Variants in NCOA3 observed in about 807,000 individuals in gnomAD.
NCOA3 encodes the protein nuclear receptor coactivator 3, also known as CBP-interacting protein.
In NCOA3, 51 loss-of-function variants were observed where a neutral mutation model predicts 158.8. The observed-to-expected ratio is 0.32, with a 90% confidence interval of 0.26 to 0.41. NCOA3 has a LOEUF of 0.41. Ranked by LOEUF, NCOA3 falls within the 10% of genes least tolerant of loss-of-function variation. NCOA3 has a pLI of 1.00. For synonymous variants in NCOA3, 537 were observed against 592.4 expected (o/e 0.91, Z 1.36); for missense variants, 1,510 against 1,746.6 (o/e 0.86, Z 2.41).
At chr20:47,617,457 T>C (rs776698060) in intron 2 of NCOA3, among the ~76,000 whole-genome samples, 28 of 152,234 alleles carry the variant, frequency 1.8e-4, no homozygotes, top group Non-Finnish European at 2.8e-4. Context: ...ACCTGCCTTA[T>C]TCCCCTCTCT....
At chr20:47,548,585 C>T (rs374566027) in intron 1 of NCOA3, among the ~76,000 whole-genome samples, 1 of 151,908 alleles carries the variant, frequency 6.6e-6, no homozygotes. Context: ...AAAAAAAAAT[C>T]TTTTTTACTG....
At chr20:47,527,818 T>C (rs190196209) in intron 1 of NCOA3, among the ~76,000 whole-genome samples, 6 of 152,208 alleles carry the variant, frequency 3.9e-5, no homozygotes, top group African/African-American at 1.4e-4. Context: ...CTGGTAGATA[T>C]GTAGTGGTAT....
rs183756347 is a variant in NCOA3 at position 47,643,525 on chromosome 20, A to G, written c.3252+1141A>G. Among the ~76,000 whole-genome samples, 590 of 152,262 alleles carry G rather than the reference A, an allele frequency of 3.9e-3. 1 individual carries two copies. Among genetic ancestry groups the G allele is most frequent in the Middle Eastern group, 0.01 (3 of 294 alleles). On this transcript the variant is annotated intron_variant, in intron 17 of 22. Transcript: ENST00000371998. ...TTCAGGCACACTAAATAACCCATCAATTCCTTCCTTCCCTCCTGTAGTTCT... is the reference window on the plus strand; with the variant it reads ...TTCAGGCACACTAAATAACCCATCAGTTCCTTCCTTCCCTCCTGTAGTTCT...
intron 1 of NCOA3, among the ~76,000 whole-genome samples, chr20:47,527,394 T>TG (rs2084473751): frequency 6.6e-6 from 1 of 152,220 alleles, no homozygotes; most frequent in South Asian, 2.1e-4. Context: ...TATATTTTGT[T>TG]GCTGTTGTTG....
intron 1 of NCOA3, among the ~76,000 whole-genome samples, chr20:47,560,640 TA>T (rs2085084869): frequency 6.6e-6 from 1 of 152,212 alleles, no homozygotes; most frequent in African/African-American, 2.4e-5. Context: ...AGTCCTGTAA[TA>T]ACAGATGATG....
intron 12 of NCOA3, among the ~76,000 whole-genome samples, chr20:47,637,299 T>C (rs1374592905): frequency 6.6e-6 from 1 of 152,236 alleles, no homozygotes; most frequent in Non-Finnish European, 1.5e-5. Context: ...TTATTATTAA[T>C]CACACTTATT....
chr20:47,599,023 T>C (rs559647013), intron 2 of NCOA3, among the ~76,000 whole-genome samples: 23 of 152,330 alleles, frequency 1.5e-4, no homozygotes, highest in Admixed American at 1.1e-3. Context: ...GCAGTATAGG[T>C]ATAGGTTTGT....
intron 2 of NCOA3, among the ~76,000 whole-genome samples, chr20:47,594,065 T>C (rs1346344716): frequency 6.6e-6 from 1 of 152,202 alleles, no homozygotes; most frequent in Non-Finnish European, 1.5e-5. Context: ...GTGAATTGTT[T>C]TTAGGTTTGT....
At chr20:47,513,839 G>GT (rs1297569814) in intron 1 of NCOA3, among the ~76,000 whole-genome samples, 3 of 151,928 alleles carry the variant, frequency 2.0e-5, no homozygotes, top group Admixed American at 6.6e-5. Context: ...TTGAGTGCCA[G>GT]TTACTTAGGT....
chr20:47,589,157 T>G (rs1325057934), intron 2 of NCOA3, among the ~76,000 whole-genome samples: 1 of 152,146 alleles, frequency 6.6e-6, no homozygotes, highest in African/African-American at 2.4e-5. Flanking sequence ...CTTCCCAAAG[T>G]GCTTGGGAGT....
At chr20:47,582,307 A>G (rs1206873) in intron 1 of NCOA3, among the ~76,000 whole-genome samples, 140,509 of 152,284 alleles carry the variant, frequency 0.92, 64,939 homozygotes, top group East Asian at 0.98. Flanking sequence ...CTGCTTCCCT[A>G]ATTCAGGTGA....
At chr20:47,510,325 C>A (rs1569310255) in intron 1 of NCOA3, among the ~76,000 whole-genome samples, 1 of 149,214 alleles carries the variant, frequency 6.7e-6, no homozygotes, top group Non-Finnish European at 1.5e-5. Flanking sequence ...CCCAGCTACT[C>A]AGGAGGCTGA....
In NCOA3 at chr20:47,636,209, A is replaced by G; in HGVS notation, c.1823A>G (p.Asn608Ser). Residue 608 changes from asparagine (N) to serine (S), a missense_variant, in exon 12 of 23, where the codon AAT becomes AGT. Physicochemically the swap from Asn to Ser is conservative, Grantham distance 46. This residue lies in a region of NCOA3 where 1,017 missense variants were observed against 1,098.3 expected (regional missense o/e 0.93). Transcript: ENST00000371998. The part of the protein sequence containing the change: ...SKESSVEGAE[N>S]QRGPLESKGH... ...GAGAGCAGTGTTGAGGGGGCAGAGA[A>G]TCAAAGGGGTCCTTTGGAAAGCAAA... is the stretch of plus-strand genomic sequence containing the variant. 6.2e-7 allele frequency: 1 copy of G among 1,614,228 alleles called. No homozygotes were observed. The highest frequency in any genetic ancestry group is 8.5e-7 in the Non-Finnish European group (1 of 1,180,026).
Position 47,635,708 on chromosome 20 carries a change from T to A in NCOA3, c.1499T>A (p.Val500Asp). The change falls in exon 11 of 23, where the codon GTT (valine) becomes GAT (aspartate). Residue 500 changes from valine to aspartate, a missense_variant. Coordinates refer to ENST00000371998, the MANE Select transcript of NCOA3 (RefSeq NM_181659.3). Reference protein sequence around the residue: ...PKIASHQFSPVAGVHSPMASS... With the variant: ...PKIASHQFSPDAGVHSPMASS... Reference sequence around the variant, plus strand: ...ATAGCCTCACATCAGTTTTCTCCTGTTGCAGGTATTTGTGTTGACATTTCC... The same window carrying A: ...ATAGCCTCACATCAGTTTTCTCCTGATGCAGGTATTTGTGTTGACATTTCC... 6.2e-7 allele frequency: 1 copy of A among 1,610,890 alleles called. No homozygotes were observed. The highest frequency in any genetic ancestry group is 8.5e-7 in the Non-Finnish European group (1 of 1,178,220).
rs563314329 is a variant in NCOA3, at chr20:47,644,937, C to G, written c.3253-2136C>G. 1.1e-4 allele frequency among the ~76,000 whole-genome samples: 16 copies of G among 151,978 alleles called. No homozygotes were observed. The East Asian group carries it at 3.1e-3, about 30-fold the overall frequency. On this transcript the variant is annotated intron_variant, in intron 17 of 22. Transcript: ENST00000371998. ...GGTCTCGAACTCCTGACCTCGTGAT[C>G]CACCTGCCTCGGCCTCCCAAAGTGC...
At position 47,606,696 on chromosome 20, in the gene NCOA3, G is replaced by A. The variant is rs373304007; in HGVS notation, c.-19-15533G>A. On this transcript the variant is annotated intron_variant, in intron 2 of 22. Coordinates refer to ENST00000371998, the MANE Select transcript of NCOA3 (RefSeq NM_181659.3). ...CGGGAAAAGCACTTGCGCAGTTTGC[G>A]TTGTGAACTGAAGTACCCACTTTTT... Among the ~76,000 whole-genome samples, 47 of 152,318 alleles carry A rather than the reference G, an allele frequency of 3.1e-4. No homozygotes were observed. In the East Asian group the frequency reaches 4.1e-3, roughly 13 times the overall value.
rs368883109 is a variant in NCOA3 at position 47,656,741 on chromosome 20, T to G, written c.*3324T>G. On this transcript the variant is annotated 3_prime_UTR_variant, in exon 23 of 23. Coordinates refer to ENST00000371998, the MANE Select transcript of NCOA3 (RefSeq NM_181659.3). ...TCAATCAAGTTTACATTATGTTGCTTAAAAAAATAGAAATTATTCTTTATC... is the reference window on the plus strand; with the variant it reads ...TCAATCAAGTTTACATTATGTTGCTGAAAAAAATAGAAATTATTCTTTATC... 4.4e-4 allele frequency: 67 copies of G among 152,648 alleles called. No homozygotes were observed. The highest frequency in any genetic ancestry group is 1.6e-3 in the African/African-American group (65 of 41,536). 9.5% of individuals were successfully genotyped at this position (152,648 alleles called of 1,614,324 possible).
At chr20:47,523,835 ACT>A (rs1482418607) in intron 1 of NCOA3, among the ~76,000 whole-genome samples, 3 of 152,126 alleles carry the variant, frequency 2.0e-5, no homozygotes, top group African/African-American at 4.8e-5. Flanking sequence ...AGCAGTGGAA[ACT>A]CTCTAATATT....
chr20:47,586,998 A>G (rs1254922094), intron 2 of NCOA3, among the ~76,000 whole-genome samples: 1 of 152,154 alleles, frequency 6.6e-6, no homozygotes, highest in Non-Finnish European at 1.5e-5. Flanking sequence ...TTGTGGGGAA[A>G]CAATGCAGAT....
Sources: allele counts gnomAD v4.1 joint callset (sites outside exome capture counted in the v4.1 genomes callset), GRCh38; gene constraint gnomAD v4.1.1; regional missense constraint gnomAD v4.1.1; transcripts MANE v1.5; gene names NCBI Gene and HGNC (gene_info 2026-07-23, HGNC 2026-07-21).